KLK15: variants seen among roughly 807,000 people sequenced by gnomAD.
KLK15 encodes the protein kallikrein-15.
KLK15 carries 19 observed loss-of-function variants against 21.1 expected under a neutral mutation model. The observed-to-expected ratio is 0.90, with a 90% CI of 0.63 to 1.32. The LOEUF (loss-of-function observed/expected upper bound fraction) is 1.32. Among genes scored for constraint, KLK15 ranks in the 40% most tolerant of loss-of-function variants. The probability of loss-of-function intolerance (pLI) is 0.00; values close to 1 mark genes in which losing one functional copy is unlikely to be tolerated. For synonymous variants in KLK15, 141 were observed against 141.5 expected, an observed-to-expected ratio of 1.00 and a Z score of 0.03; for missense variants, 345 against 348.6, an observed-to-expected ratio of 0.99 and a Z score of 0.08.
intron 4 of KLK15, chr19:50,826,373 T>G: frequency 2.1e-6 from 1 of 477,082 alleles, no homozygotes; most frequent in Non-Finnish European, 3.7e-6. Context: ...AACCAAACCA[T>G]TCCCATTCTC....
chr19:50,827,868 T>C lies in KLK15; in HGVS notation c.44-53A>G. ...GGACAGGGACGTTTACATTGCCTCC[T>C]ACACCTTCCTTGCACCCTGCCCTAA... On this transcript the variant is annotated intron_variant, in intron 1 of 4. Transcript: ENST00000598239. 3.9e-6 allele frequency: 6 copies of C among 1,555,268 alleles called. No individual in the cohort carries two copies. The South Asian group carries it at 6.7e-5, about 17-fold the overall frequency.
upstream of KLK15, chr19:50,833,272 G>A: frequency 6.5e-6 from 1 of 153,166 alleles, no homozygotes. Context: ...CACGTTCTTG[G>A]CTCTGATACA....
upstream of KLK15, among the ~76,000 whole-genome samples, chr19:50,833,556 G>A (rs1457534709): frequency 6.6e-6 from 1 of 152,138 alleles, no homozygotes; most frequent in Admixed American, 6.5e-5. Context: ...AGCATCTAGG[G>A]CAGCTTGGGT....
At chr19:50,832,942 G>T (rs1356189495), upstream of KLK15, among the ~76,000 whole-genome samples, 1 of 152,136 alleles carries the variant, frequency 6.6e-6, no homozygotes, top group Non-Finnish European at 1.5e-5. Flanking sequence ...AGCTTTGAGG[G>T]TGAATTGAAA....
rs112887731 is a variant in KLK15 at position 50,827,093 on chromosome 19, G to A, written c.266C>T (p.Thr89Met). 2.0e-5 allele frequency: 32 copies of A among 1,605,522 alleles called. No homozygotes were observed. The highest frequency in any genetic ancestry group is 2.5e-5 in the Non-Finnish European group (30 of 1,179,890). Residue 89 changes from threonine to methionine, a missense_variant, in exon 3 of 5, where the codon ACG becomes ATG. By Grantham distance (81) the Thr-to-Met change is moderately conservative (BLOSUM62 -1). Coordinates refer to ENST00000598239, the Ensembl canonical transcript of KLK15. The stretch of plus-strand genomic sequence containing the variant: ...GCGCGGGTGTGGAATGACCCGAGAC[G>A]TGGTCCGTAGTTGCTCTGGGCCATC...
At chr19:50,827,092 C>T (rs905780393) in exon 3 of KLK15, 13 of 1,605,712 alleles carry the variant, frequency 8.1e-6, no homozygotes, top group South Asian at 1.1e-5. Context: ...TGACCCGAGA[C>T]GTGGTCCGTA....
chr19:50,832,278 G>T (rs945141703), upstream of KLK15, among the ~76,000 whole-genome samples: 1 of 151,254 alleles, frequency 6.6e-6, no homozygotes, highest in East Asian at 1.9e-4. Flanking sequence ...GGCACCACCA[G>T]GATAAAGTCC....
chr19:50,831,317 C>A, intron 1 of KLK15, 133 bp downstream of exon 2: 1 of 616,022 alleles, frequency 1.6e-6, no homozygotes, highest in Non-Finnish European at 2.5e-6. Context: ...GACATTGGCA[C>A]AGGTGGAGGG....
chr19:50,827,825 G>A lies in KLK15; in HGVS notation c.44-10C>T, dbSNP rs1305423999. On this transcript the variant is annotated splice_polypyrimidine_tract_variant and intron_variant, in intron 1 of 4. Transcript: ENST00000598239. ...TCACCATCCTGGGCTGCTAAGAGAA[G>A]GGGTAGAGGATGCCTGAGGACAGGG... 6.2e-7 allele frequency: 1 copy of A among 1,610,720 alleles called. No individual in the cohort carries two copies. The highest frequency in any genetic ancestry group is 1.7e-5 in the Admixed American group (1 of 59,842).
At chr19:50,828,794 C>T (rs1320642289) in intron 1 of KLK15, among the ~76,000 whole-genome samples, 3 of 150,918 alleles carry the variant, frequency 2.0e-5, no homozygotes. Context: ...ATGGGGAAAC[C>T]CTGTCTCTAA....
upstream of KLK15, chr19:50,831,606 C>A: frequency 1.3e-6 from 1 of 779,706 alleles, no homozygotes; most frequent in Non-Finnish European, 1.9e-6. Flanking sequence ...CTTATCCCAT[C>A]CACTGTTAAT....
In KLK15 at chr19:50,829,821, A is replaced by T. The variant is rs961078471; in HGVS notation, c.43+1629T>A. ...GGCAGAGCGAGACTCCGTCTCAAAA[A>T]AAACCAAACAAACAAAAAAAAGTCA... On this transcript the variant is annotated intron_variant, in intron 1 of 4. Transcript: ENST00000598239. Among the ~76,000 whole-genome samples, 16 of 151,634 alleles carry T rather than the reference A, an allele frequency of 1.1e-4. 1 individual carries two copies. Among genetic ancestry groups the T allele is most frequent in the Admixed American group, 5.9e-4 (9 of 15,184 alleles).
At chr19:50,825,622 A>G (rs940141211), downstream of KLK15, 9 of 557,474 alleles carry the variant, frequency 1.6e-5, no homozygotes, top group Non-Finnish European at 2.8e-5. Context: ...TTGGCATTAA[A>G]CAGGTGACCT....
At chr19:50,825,562 A>C (rs1293745920), downstream of KLK15, 1 of 405,636 alleles carries the variant, frequency 2.5e-6, no homozygotes, top group East Asian at 4.1e-5. Flanking sequence ...GACCCCAGAA[A>C]AAAGTCACAG....
intron 4 of KLK15, 38 bp from the exon 6 acceptor site, chr19:50,825,986 CT>C: frequency 6.3e-7 from 1 of 1,582,726 alleles, no homozygotes; most frequent in Non-Finnish European, 8.6e-7. Context: ...TGAGTGAAAC[CT>C]CCTGGATTCA....
exon 4 of KLK15, chr19:50,826,738 C>A: frequency 6.2e-7 from 1 of 1,613,114 alleles, no homozygotes; most frequent in South Asian, 1.1e-5. Flanking sequence ...TGGCACAATG[C>A]AACGTATCTG....
chr19:50,831,071 A>C, intron 1 of KLK15: 1 of 174,366 alleles, frequency 5.7e-6, no homozygotes, highest in Non-Finnish European at 1.2e-5. Context: ...CTGTTATGCT[A>C]TTGAGACCTC....
intron 1 of KLK15, 75 bp from the exon 3 acceptor site, chr19:50,827,890 C>G: frequency 7.1e-7 from 1 of 1,412,230 alleles, no homozygotes; most frequent in South Asian, 1.2e-5. Flanking sequence ...GCACCCTGCC[C>G]TAACTACTAT....
rs1476659588 is a variant in KLK15 at position 50,827,578 on chromosome 19, C to T, written c.197+84G>A. ...GTCTTTCAGAACCCAGGAGTTCTGG[C>T]GTCTGCCTCCGTCTTCCCCCAAATC... On this transcript the variant is annotated intron_variant, in intron 2 of 4. Transcript: ENST00000598239. 3.6e-6 allele frequency: 5 copies of T among 1,406,700 alleles called. No homozygotes were observed. In the Admixed American group the frequency reaches 7.8e-5, roughly 22 times the overall value. The allele number at this position is 1,406,700 out of a possible 1,614,324, so 87.1% of individuals were successfully genotyped here.
Sources: allele counts gnomAD v4.1 joint callset (sites outside exome capture counted in the v4.1 genomes callset), GRCh38; gene constraint gnomAD v4.1.1; transcripts MANE v1.5; gene names NCBI Gene and HGNC (gene_info 2026-07-23, HGNC 2026-07-21).